DPP10: variants seen among roughly 807,000 people sequenced by gnomAD.
DPP10 encodes dipeptidyl peptidase like 10.
Under a neutral mutation model 120.9 loss-of-function variants are expected in DPP10, and 33 were observed. That is an observed-to-expected ratio of 0.27 (90% CI 0.21 to 0.37). DPP10 has a LOEUF of 0.37. Ranked by LOEUF, DPP10 falls within the 10% of genes least tolerant of loss-of-function variation. The probability of loss-of-function intolerance (pLI) is 1.00; values close to 1 mark genes in which losing one functional copy is unlikely to be tolerated. For synonymous variants in DPP10, 337 were observed against 326.1 expected (o/e 1.03, Z -0.36); for missense variants, 816 against 942.8 (o/e 0.87, Z 1.76).
At chr2:114,819,384 G>T (rs1685904170) in intron 1 of DPP10, among the ~76,000 whole-genome samples, 1 of 152,150 alleles carries the variant, frequency 6.6e-6, no homozygotes, top group Non-Finnish European at 1.5e-5. Flanking sequence ...TCTCTAAAAT[G>T]AGGGGGATGG....
chr2:115,510,086 T>C (rs929771901), intron 4 of DPP10, among the ~76,000 whole-genome samples: 4 of 152,178 alleles, frequency 2.6e-5, no homozygotes, highest in African/African-American at 9.7e-5. Context: ...TTTTTTCATA[T>C]ATTATAAATC....
At chr2:115,441,817 C>CTT (rs561102084) in intron 3 of DPP10, among the ~76,000 whole-genome samples, 4,112 of 124,416 alleles carry the variant, frequency 0.033, 259 homozygotes, top group African/African-American at 0.12. Flanking sequence ...TTCTTTCTTT[C>CTT]TTTTTTTTTT....
intron 1 of DPP10, among the ~76,000 whole-genome samples, chr2:114,929,647 T>TG (rs1329557494): frequency 6.6e-6 from 1 of 152,208 alleles, no homozygotes; most frequent in Non-Finnish European, 1.5e-5. Flanking sequence ...TATCCTGTTC[T>TG]TTTTTAGGAT....
intron 1 of DPP10, among the ~76,000 whole-genome samples, chr2:114,999,300 C>T (rs550488295): frequency 1.5e-3 from 229 of 152,278 alleles, no homozygotes; most frequent in Non-Finnish European, 2.8e-3. Context: ...TTCATCAATA[C>T]AGCCCCTGCC....
chr2:115,151,159 T>C (rs974411257), intron 1 of DPP10, among the ~76,000 whole-genome samples: 1 of 152,174 alleles, frequency 6.6e-6, no homozygotes, highest in Non-Finnish European at 1.5e-5. Context: ...TTGTCTTTTC[T>C]TGAATGTCTT....
intron 12 of DPP10, among the ~76,000 whole-genome samples, chr2:115,767,918 G>C (rs939352881): frequency 6.6e-6 from 1 of 152,048 alleles, no homozygotes; most frequent in Non-Finnish European, 1.5e-5. Flanking sequence ...GATTTATTTT[G>C]ATAAACTGAT....
At chr2:114,797,840 A>C (rs1185291124) in intron 1 of DPP10, among the ~76,000 whole-genome samples, 1 of 152,112 alleles carries the variant, frequency 6.6e-6, no homozygotes, top group Non-Finnish European at 1.5e-5. Flanking sequence ...GCACTTAGTG[A>C]CTCGTTGTCA....
intron 3 of DPP10, among the ~76,000 whole-genome samples, chr2:115,372,406 A>G (rs958164098): frequency 2.5e-4 from 4 of 16,210 alleles, no homozygotes; most frequent in African/African-American, 5.9e-4. Context: ...CTTTAGAGGT[A>G]AAAAAAGTCT....
intron 1 of DPP10, among the ~76,000 whole-genome samples, chr2:114,783,437 GT>G (rs1682498607): frequency 6.6e-6 from 1 of 152,066 alleles, no homozygotes; most frequent in South Asian, 2.1e-4. Flanking sequence ...AGAAGAGTGC[GT>G]TAAAACAATT....
chr2:114,855,152 C>A (rs552620137), intron 1 of DPP10, among the ~76,000 whole-genome samples: 2 of 151,976 alleles, frequency 1.3e-5, no homozygotes, highest in African/African-American at 4.8e-5. Context: ...GAGAGAGAGA[C>A]GTTGGAAGGG....
At chr2:115,322,937 A>T (rs2049148) in intron 2 of DPP10, among the ~76,000 whole-genome samples, 68,876 of 152,088 alleles carry the variant, frequency 0.45, 16,599 homozygotes, top group Non-Finnish European at 0.55. Flanking sequence ...TTGTCAGTAG[A>T]GGGTCTTTCC....
chr2:114,459,548 A>G (rs1678759045), intron 1 of DPP10, among the ~76,000 whole-genome samples: 1 of 152,146 alleles, frequency 6.6e-6, no homozygotes, highest in South Asian at 2.1e-4. Context: ...ATTCCTTAAT[A>G]CATGCAAAGC....
At chr2:115,165,420 ATG>A (rs1414485176) in intron 1 of DPP10, among the ~76,000 whole-genome samples, 1 of 152,236 alleles carries the variant, frequency 6.6e-6, no homozygotes, top group African/African-American at 2.4e-5. Flanking sequence ...TGCAAATTAT[ATG>A]TGTATGTGTG....
chr2:114,549,929 A>G (rs1687750097), intron 1 of DPP10, among the ~76,000 whole-genome samples: 1 of 152,024 alleles, frequency 6.6e-6, no homozygotes, highest in Non-Finnish European at 1.5e-5. Context: ...GCTGGAAGAG[A>G]AGGGCAAGGG....
At chr2:115,784,853 A>AT (rs1486007200) in intron 17 of DPP10, among the ~76,000 whole-genome samples, 1 of 152,062 alleles carries the variant, frequency 6.6e-6, no homozygotes, top group Non-Finnish European at 1.5e-5. Flanking sequence ...CTTTTATATC[A>AT]TTTTTTCATT....
At chr2:115,184,332 G>T (rs938933324) in intron 1 of DPP10, among the ~76,000 whole-genome samples, 2 of 152,198 alleles carry the variant, frequency 1.3e-5, no homozygotes, top group African/African-American at 4.8e-5. Flanking sequence ...TTGTGCACTT[G>T]AGCTGACCCT....
chr2:114,659,298 C>T (rs888576990), intron 1 of DPP10, among the ~76,000 whole-genome samples: 3 of 151,282 alleles, frequency 2.0e-5, no homozygotes, highest in Non-Finnish European at 2.9e-5. Flanking sequence ...GAGAAGAGGC[C>T]GTGGATAATT....
chr2:115,830,981 G>C (rs1688859107), intron 21 of DPP10, among the ~76,000 whole-genome samples: 1 of 152,116 alleles, frequency 6.6e-6, no homozygotes. Context: ...TAAAGCTTCA[G>C]TATACATTAT....
intron 21 of DPP10, among the ~76,000 whole-genome samples, chr2:115,823,579 A>G (rs1688020702): frequency 1.3e-5 from 2 of 152,104 alleles, no homozygotes; most frequent in Non-Finnish European, 2.9e-5. Flanking sequence ...TTTATTTTTC[A>G]CGTTTCCAGC....
Sources: gnomAD v4.1 joint callset for allele counts (sites outside exome capture counted in the v4.1 genomes callset) on GRCh38, gnomAD v4.1.1 for gene constraint, MANE v1.5 for transcripts, NCBI Gene and HGNC (gene_info 2026-07-23, HGNC 2026-07-21) for gene names.